Variants in RBM33 observed in about 807,000 individuals in gnomAD.
RBM33 encodes RNA-binding protein 33.
A neutral mutation model predicts 132.6 loss-of-function variants in RBM33; 28 were observed. The ratio of observed to expected loss-of-function variants is 0.21; its 90% CI spans 0.16 to 0.29. The LOEUF (loss-of-function observed/expected upper bound fraction) is 0.29, where lower values mean the gene tolerates loss of function less well. Ranked by LOEUF, RBM33 falls within the 10% of genes least tolerant of loss-of-function variation. The pLI is 1.00. For missense variants in RBM33, 1,291 were observed against 1,518.5 expected (o/e 0.85, Z 2.49); for synonymous variants, 634 against 593.0 (o/e 1.07, Z -1.01).
intron 5 of RBM33, among the ~76,000 whole-genome samples, chr7:155,698,747 A>G (rs1317302196): frequency 6.6e-6 from 1 of 152,204 alleles, no homozygotes; most frequent in Non-Finnish European, 1.5e-5. Context: ...CTTGGAGAAT[A>G]TCATATAAAT....
intron 1 of RBM33, 97 bp downstream of exon 1, chr7:155,645,016 TC>T: frequency 1.1e-6 from 1 of 889,044 alleles, no homozygotes; most frequent in Non-Finnish European, 1.6e-6. Flanking sequence ...GACGAGGCTC[TC>T]CCCGGCTCCG....
intron 14 of RBM33, among the ~76,000 whole-genome samples, chr7:155,759,415 C>CT (rs58449648): frequency 0.052 from 5,872 of 113,964 alleles, 296 homozygotes; most frequent in African/African-American, 0.081. Context: ...TGTTTATGTT[C>CT]TTTTTTTTTT....
intron 7 of RBM33, among the ~76,000 whole-genome samples, chr7:155,709,550 CAT>C (rs769414034): frequency 5.3e-5 from 8 of 152,330 alleles, no homozygotes; most frequent in East Asian, 1.9e-4. Flanking sequence ...TCTCCAGACA[CAT>C]GTTTCACAGG....
intron 9 of RBM33, among the ~76,000 whole-genome samples, chr7:155,721,294 AGGC>A (rs1287387820): frequency 6.6e-6 from 1 of 152,260 alleles, no homozygotes; most frequent in African/African-American, 2.4e-5. Context: ...CTGTGCAGAG[AGGC>A]GGGAGGGAGC....
intron 3 of RBM33, among the ~76,000 whole-genome samples, chr7:155,674,506 C>T (rs777622612): frequency 6.6e-6 from 1 of 152,162 alleles, no homozygotes; most frequent in Non-Finnish European, 1.5e-5. Flanking sequence ...GGATTTCTAT[C>T]TCTAGGCAAG....
chr7:155,661,908 T>G (rs1798662092), intron 1 of RBM33, among the ~76,000 whole-genome samples: 1 of 152,192 alleles, frequency 6.6e-6, no homozygotes, highest in African/African-American at 2.4e-5. Context: ...GTTATATATC[T>G]TCTTGTTTCT....
chr7:155,714,200 G>A lies in RBM33; in HGVS notation c.1201+2745G>A, dbSNP rs1314731590. ...CGCTCATCTGCGCACACTAGGTGTG[G>A]AATAGGCAGGCAGTTGGGTTTATGA... is the stretch of plus-strand genomic sequence containing the variant. On this transcript the variant is annotated intron_variant, in intron 8 of 17. Transcript: ENST00000401878. 7.9e-5 allele frequency among the ~76,000 whole-genome samples: 12 copies of A among 152,316 alleles called. No homozygotes were observed. In the Middle Eastern group the frequency reaches 0.01, roughly 130 times the overall value.
chr7:155,667,261 T>C (rs1585412699), intron 2 of RBM33, among the ~76,000 whole-genome samples: 1 of 151,926 alleles, frequency 6.6e-6, no homozygotes, highest in African/African-American at 2.4e-5. Flanking sequence ...TGAGGTTTAT[T>C]GTTGTTGTTT....
At chr7:155,682,516 A>T (rs904629899) in intron 5 of RBM33, among the ~76,000 whole-genome samples, 1 of 152,198 alleles carries the variant, frequency 6.6e-6, no homozygotes, top group Non-Finnish European at 1.5e-5. Flanking sequence ...GCCTAGTTAG[A>T]GTATTTTATT....
intron 9 of RBM33, 129 bp from the exon 10 acceptor site, chr7:155,737,401 A>T: frequency 3.6e-6 from 3 of 826,422 alleles, no homozygotes; most frequent in African/African-American, 3.6e-5. Flanking sequence ...AGAGAAAGAC[A>T]GTGACTGTTA....
chr7:155,742,183 T>A (rs1801365518), intron 13 of RBM33, 77 bp downstream of exon 13: 1 of 1,325,264 alleles, frequency 7.5e-7, no homozygotes, highest in Non-Finnish European at 1.0e-6. Context: ...CTTAGTTCAC[T>A]CTCACTAAGT....
At position 155,774,042 on chromosome 7, in the gene RBM33, G is replaced by A. The variant is rs559202700; in HGVS notation, c.3376-517G>A. ...ATGTGACCACGTTATGCTGATGTCT[G>A]CCCCAGGCACCACTGCCCTCACCAT... On this transcript the variant is annotated intron_variant, in intron 16 of 17. Coordinates refer to ENST00000401878, the MANE Select transcript of RBM33 (RefSeq NM_053043.3). The surrounding 1 kb of genome is among the most constrained non-coding windows in gnomAD (Gnocchi z 4.2). Among the ~76,000 whole-genome samples, 1 of 152,302 alleles carries A rather than the reference G, an allele frequency of 6.6e-6. No homozygotes were observed. Among genetic ancestry groups the A allele is most frequent in the East Asian group, 1.9e-4 (1 of 5,188 alleles).
chr7:155,697,410 TG>T (rs112759301), intron 5 of RBM33, among the ~76,000 whole-genome samples: 99,340 of 151,532 alleles, frequency 0.66, 33,183 homozygotes, highest in South Asian at 0.77. Flanking sequence ...TTCTAATTTT[TG>T]CACAGTTTGC....
At position 155,711,360 on chromosome 7, in the gene RBM33, GGAT is replaced by G. The variant is rs1337640383; in HGVS notation, c.1115_1117del (p.Met372del). The G allele has an allele frequency of 2.5e-6, 4 of 1,595,624 alleles. No homozygotes were observed. In the Admixed American group the frequency reaches 5.3e-5, roughly 21 times the overall value. On this transcript the variant is annotated inframe_deletion, in exon 8 of 18. Transcript: ENST00000401878. ...ATGCCTCCCCAGCTAGAGACCCCAA[GGAT>G]GATGATGACCCCGCCACCCGTGACT...
chr7:155,646,821 T>C (rs116240530), intron 1 of RBM33, among the ~76,000 whole-genome samples: 141 of 152,350 alleles, frequency 9.3e-4, no homozygotes, highest in African/African-American at 3.2e-3. Context: ...GTAAACCTCA[T>C]GAGGACAAAA....
chr7:155,646,499 C>G (rs1798198288), intron 1 of RBM33, among the ~76,000 whole-genome samples: 1 of 152,158 alleles, frequency 6.6e-6, no homozygotes, highest in Non-Finnish European at 1.5e-5. Flanking sequence ...TTTGTGAGTT[C>G]TGTATGACTT....
intron 1 of RBM33, among the ~76,000 whole-genome samples, chr7:155,664,690 C>G (rs887622298): frequency 1.3e-5 from 2 of 152,136 alleles, no homozygotes; most frequent in Admixed American, 6.5e-5. Flanking sequence ...TACTAGAAAA[C>G]CTAGAATTAG....
intron 1 of RBM33, among the ~76,000 whole-genome samples, chr7:155,663,473 C>T (rs547996725): frequency 2.8e-4 from 42 of 151,940 alleles, no homozygotes; most frequent in Admixed American, 1.8e-3. Flanking sequence ...TGAGCAGAGG[C>T]GGGGAGGGGT....
intron 14 of RBM33, among the ~76,000 whole-genome samples, chr7:155,761,842 G>A (rs969755429): frequency 1.6e-4 from 25 of 152,002 alleles, no homozygotes; most frequent in African/African-American, 5.8e-4. Context: ...GAGGACGGGG[G>A]ACTAGCTTCT....
Sources: gnomAD v4.1 joint callset for allele counts (sites outside exome capture counted in the v4.1 genomes callset) on GRCh38, gnomAD v4.1.1 for gene constraint, Gnocchi (gnomAD v3.1) non-coding constraint, MANE v1.5 for transcripts, NCBI Gene and HGNC (gene_info 2026-07-23, HGNC 2026-07-21) for gene names.